Variants in ROR2 observed in about 807,000 individuals in gnomAD.
ROR2 encodes tyrosine-protein kinase transmembrane receptor ROR2.
ROR2 carries 33 observed loss-of-function variants against 74.9 expected under a neutral mutation model. The ratio of observed to expected loss-of-function variants is 0.44; its 90% CI spans 0.33 to 0.59. ROR2 has a LOEUF of 0.59. Among genes scored for constraint, ROR2 ranks in the 20% least tolerant of loss-of-function variants. The pLI is 0.02. For missense variants in ROR2, 1,216 were observed against 1,313.8 expected, an observed-to-expected ratio of 0.93 and a Z score of 1.15; for synonymous variants, 586 against 558.7, an observed-to-expected ratio of 1.05 and a Z score of -0.69.
chr9:91,778,396 C>A (rs1826493622), intron 1 of ROR2, among the ~76,000 whole-genome samples: 1 of 152,232 alleles, frequency 6.6e-6, no homozygotes, highest in South Asian at 2.1e-4. Context: ...CCTGCAACAT[C>A]TCCTCGGTGC....
intron 1 of ROR2, among the ~76,000 whole-genome samples, chr9:91,884,653 T>C (rs1043828681): frequency 1.3e-5 from 2 of 152,080 alleles, no homozygotes; most frequent in Non-Finnish European, 2.9e-5. Context: ...AACTCATTAC[T>C]CTCTTGGATT....
rs763008009 is a variant in ROR2 at position 91,725,045 on chromosome 9, C to A, written c.1449G>T (p.Arg483=). Residue 483 remains arginine (R), a synonymous_variant, in exon 9 of 9, where the codon CGG becomes CGT. Transcript: ENST00000375708. ...VRFMEELGED[R]FGKVYKGHLF... ...GGTGACCTTTGTAGACTTTCCCAAACCGGTCCTCTCCCAGCTCCTCCATGA... is the reference window on the plus strand; with the variant it reads ...GGTGACCTTTGTAGACTTTCCCAAAACGGTCCTCTCCCAGCTCCTCCATGA... 1.2e-6 allele frequency: 2 copies of A among 1,614,082 alleles called. No individual in the cohort carries two copies. Among genetic ancestry groups the A allele is most frequent in the Non-Finnish European group, 1.7e-6 (2 of 1,180,048 alleles).
intron 1 of ROR2, among the ~76,000 whole-genome samples, chr9:91,889,871 C>A (rs1234610674): frequency 6.6e-6 from 1 of 152,210 alleles, no homozygotes; most frequent in Non-Finnish European, 1.5e-5. Context: ...ACACTCTGCA[C>A]AGCAAAAGGC....
At chr9:91,740,118 G>A (rs1407921875) in intron 4 of ROR2, among the ~76,000 whole-genome samples, 1 of 152,154 alleles carries the variant, frequency 6.6e-6, no homozygotes, top group African/African-American at 2.4e-5. Flanking sequence ...CTTCTCCCTG[G>A]CCGCTGGTCA....
rs1301817892 is a variant in ROR2, at chr9:91,757,566, AGG to A, written c.176-9_176-8del. 6.2e-7 allele frequency: 1 copy of A among 1,612,818 alleles called. No individual in the cohort carries two copies. Among genetic ancestry groups the A allele is most frequent in the Non-Finnish European group, 8.5e-7 (1 of 1,179,636 alleles). Reference sequence around the variant, plus strand: ...AGAAAATTCAGAAAGTAACCTGCCAAGGAGAGCGGTCACAAAAGAGCAAGCGT... The same window carrying A: ...AGAAAATTCAGAAAGTAACCTGCCAAAGAGCGGTCACAAAAGAGCAAGCGT... On this transcript the variant is annotated splice_polypyrimidine_tract_variant and splice_region_variant and intron_variant, in intron 2 of 8. Transcript: ENST00000375708.
intron 1 of ROR2, among the ~76,000 whole-genome samples, chr9:91,930,533 G>A (rs1240638322): frequency 6.6e-6 from 1 of 152,224 alleles, no homozygotes; most frequent in African/African-American, 2.4e-5. Flanking sequence ...GCACTCTTCT[G>A]CAGAAGTAAA....
chr9:91,749,559 A>G (rs1825539887), intron 4 of ROR2, among the ~76,000 whole-genome samples: 1 of 152,210 alleles, frequency 6.6e-6, no homozygotes, highest in Non-Finnish European at 1.5e-5. Flanking sequence ...ATAGCAGTAG[A>G]GGAGGGTATG....
intron 1 of ROR2, among the ~76,000 whole-genome samples, chr9:91,796,302 G>A (rs536944462): frequency 6.6e-6 from 1 of 152,094 alleles, no homozygotes; most frequent in Admixed American, 6.5e-5. Context: ...GCATGGTGAC[G>A]CACGCCAGTA....
intron 1 of ROR2, among the ~76,000 whole-genome samples, chr9:91,833,558 G>A (rs533007388): frequency 1.3e-5 from 2 of 152,198 alleles, no homozygotes; most frequent in East Asian, 1.9e-4. Context: ...CAGGCCCCTG[G>A]AGTAGCTGAG....
chr9:91,898,997 G>A (rs946518700), intron 1 of ROR2, among the ~76,000 whole-genome samples: 10 of 152,200 alleles, frequency 6.6e-5, no homozygotes, highest in African/African-American at 7.2e-5. Flanking sequence ...TGAAGCAACA[G>A]CAGAGGCTGC....
At chr9:91,734,048 G>A (rs921771230) in intron 5 of ROR2, among the ~76,000 whole-genome samples, 1 of 152,332 alleles carries the variant, frequency 6.6e-6, no homozygotes, top group South Asian at 2.1e-4. Context: ...AGAAAAACCC[G>A]AAGATCCAGA....
chr9:91,852,606 A>G (rs545292051), intron 1 of ROR2, among the ~76,000 whole-genome samples: 2 of 128,362 alleles, frequency 1.6e-5, no homozygotes, highest in East Asian at 5.2e-4. Context: ...AGAGTTACAA[A>G]TAAATGGAAA....
At chr9:91,805,409 A>C (rs1312200199) in intron 1 of ROR2, among the ~76,000 whole-genome samples, 1 of 152,154 alleles carries the variant, frequency 6.6e-6, no homozygotes, top group African/African-American at 2.4e-5. Flanking sequence ...CTGGGATTCC[A>C]AGTTCTCCTA....
intron 1 of ROR2, among the ~76,000 whole-genome samples, chr9:91,815,760 G>C (rs756494854): frequency 2.0e-5 from 3 of 152,190 alleles, no homozygotes; most frequent in Non-Finnish European, 4.4e-5. Flanking sequence ...TGCAGGGTAC[G>C]GTCCCAAGGC....
intron 4 of ROR2, 44 bp from the exon 5 acceptor site, chr9:91,737,562 C>A: frequency 6.2e-7 from 1 of 1,613,570 alleles, no homozygotes; most frequent in African/African-American, 1.3e-5. Flanking sequence ...TGGGAGGTGC[C>A]AGGTCCCGCC....
intron 1 of ROR2, among the ~76,000 whole-genome samples, chr9:91,852,429 G>A (rs1271529047): frequency 6.6e-6 from 1 of 152,136 alleles, no homozygotes; most frequent in African/African-American, 2.4e-5. Context: ...CATCTTTCAT[G>A]ACAGCAGCTA....
rs769169466 is a variant in ROR2 at position 91,725,107 on chromosome 9, C to T, written c.1387G>A (p.Ala463Thr). 3 of 1,613,462 alleles carry T rather than the reference C, an allele frequency of 1.9e-6. No individual in the cohort carries two copies. The highest frequency in any genetic ancestry group is 1.7e-5 in the Admixed American group (1 of 60,012). Reference sequence around the variant, plus strand: ...GACAGGCTGATCTCTTTGAGTTTGGCCTGTCAAGAAGAAAAGCCCCACGTG... The same window carrying T: ...GACAGGCTGATCTCTTTGAGTTTGGTCTGTCAAGAAGAAAAGCCCCACGTG... ...EMPLINQHKQ[A>T]KLKEISLSAV... is the part of the protein sequence containing the mutation. Residue 463 changes from alanine to threonine, a missense_variant and splice_region_variant, in exon 9 of 9, where the codon GCC (alanine) becomes ACC (threonine). By Grantham distance (58) the Ala-to-Thr change is moderately conservative. Transcript: ENST00000375708.
intron 1 of ROR2, among the ~76,000 whole-genome samples, chr9:91,924,137 T>C (rs113546135): frequency 1.2e-4 from 18 of 152,236 alleles, no homozygotes; most frequent in African/African-American, 4.1e-4. Context: ...AGAACTGAGC[T>C]GGTACTCCAT....
Position 91,849,983 on chromosome 9 carries a change from A to G in ROR2, c.98-74165T>C, listed in dbSNP as rs947564245. ...GTTTTCTGGTCATTTCCAAAGCAAT[A>G]AACACTTAAGTTATTTCTTTTTCTC... On this transcript the variant is annotated intron_variant, in intron 1 of 8. Transcript: ENST00000375708. 7.2e-5 allele frequency among the ~76,000 whole-genome samples: 11 copies of G among 152,220 alleles called. 1 individual carries two copies. The highest frequency in any genetic ancestry group is 1.5e-5 in the Non-Finnish European group (1 of 68,040).
Sources: gnomAD v4.1 joint callset for allele counts (sites outside exome capture counted in the v4.1 genomes callset) on GRCh38, gnomAD v4.1.1 for gene constraint, MANE v1.5 for transcripts, NCBI Gene and HGNC (gene_info 2026-07-23, HGNC 2026-07-21) for gene names.